The following GPHN variants were observed in gnomAD, a reference collection of about 807,000 sequenced individuals.
GPHN encodes gephyrin.
A neutral mutation model predicts 95.5 loss-of-function variants in GPHN; 17 were observed. The observed-to-expected ratio is 0.18, with a 90% confidence interval of 0.12 to 0.27. The LOEUF (loss-of-function observed/expected upper bound fraction) is 0.27, where lower values mean the gene tolerates loss of function less well. Ranked by LOEUF, GPHN falls within the 10% of genes least tolerant of loss-of-function variation. The pLI is 1.00. For synonymous variants in GPHN, 320 were observed against 322.5 expected, an observed-to-expected ratio of 0.99 and a Z score of 0.08; for missense variants, 660 against 978.1, an observed-to-expected ratio of 0.67 and a Z score of 4.34.
At chr14:67,611,714 G>A in the GPHN span, among the ~76,000 whole-genome samples, 1 of 152,188 alleles carries the variant, frequency 6.6e-6, no homozygotes, top group Non-Finnish European at 1.5e-5. Flanking sequence ...CTAAAGCAAT[G>A]TTCCCCAACC....
chr14:67,196,277 C>T, the GPHN span, among the ~76,000 whole-genome samples: 1 of 150,846 alleles, frequency 6.6e-6, no homozygotes, highest in Non-Finnish European at 1.5e-5. Context: ...AGTGCATTGG[C>T]ACAGTCTTGG....
chr14:67,004,798 A>G (rs770927668), intron 9 of GPHN, among the ~76,000 whole-genome samples: 2 of 151,710 alleles, frequency 1.3e-5, no homozygotes, highest in Non-Finnish European at 3.0e-5. Flanking sequence ...ATTTTTCTCT[A>G]TCAGAGATGG....
At chr14:67,384,838 C>T in the GPHN span, 1 of 152,110 alleles carries the variant, frequency 6.6e-6, no homozygotes. Flanking sequence ...TAGAGGAGAA[C>T]CTGGATGTAC....
chr14:67,524,798 C>T, the GPHN span, among the ~76,000 whole-genome samples: 38 of 152,262 alleles, frequency 2.5e-4, no homozygotes, highest in African/African-American at 8.4e-4. Flanking sequence ...TAATAGGGAT[C>T]CAGATAATAT....
chr14:67,429,685 G>A, the GPHN span, among the ~76,000 whole-genome samples: 1 of 152,064 alleles, frequency 6.6e-6, no homozygotes, highest in African/African-American at 2.4e-5. Context: ...GCAGTGAGTT[G>A]AGATTGCGCC....
chr14:66,849,742 T>C (rs2062498118), intron 4 of GPHN, among the ~76,000 whole-genome samples: 1 of 152,086 alleles, frequency 6.6e-6, no homozygotes. Flanking sequence ...TGTTTTTGGC[T>C]CAGTAGCTGT....
intron 21 of GPHN, among the ~76,000 whole-genome samples, chr14:67,173,245 C>T (rs890701172): frequency 2.0e-5 from 3 of 152,156 alleles, no homozygotes; most frequent in African/African-American, 7.2e-5. Flanking sequence ...ACCAGGAACC[C>T]GGTGCTGCAG....
intron 5 of GPHN, among the ~76,000 whole-genome samples, chr14:66,882,923 G>T (rs922179814): frequency 6.6e-6 from 1 of 150,642 alleles, no homozygotes; most frequent in African/African-American, 2.4e-5. Context: ...GAAAAGAAAT[G>T]AGCAATCAAT....
chr14:66,736,555 C>A (rs925725656), intron 2 of GPHN, among the ~76,000 whole-genome samples: 2 of 151,752 alleles, frequency 1.3e-5, no homozygotes, highest in African/African-American at 4.8e-5. Flanking sequence ...AGCACCACCA[C>A]ACCCAGCTAA....
At chr14:67,241,383 G>A in the GPHN span, 1 of 154,256 alleles carries the variant, frequency 6.5e-6, no homozygotes. Flanking sequence ...GGCAGGCGGT[G>A]GGGCGGGGGC....
intron 2 of GPHN, among the ~76,000 whole-genome samples, chr14:66,731,490 C>T (rs1233311150): frequency 1.3e-5 from 2 of 152,316 alleles, no homozygotes; most frequent in South Asian, 4.1e-4. Context: ...TCCTGCCTTG[C>T]TTTAGCAAAG....
chr14:67,024,547 T>C (rs75817173), intron 10 of GPHN, among the ~76,000 whole-genome samples: 102 of 152,346 alleles, frequency 6.7e-4, no homozygotes, highest in Non-Finnish European at 1.2e-3. Context: ...TTTTGTGTTA[T>C]ACTCCTGGTT....
chr14:67,323,778 G>A, the GPHN span: 2 of 1,595,866 alleles, frequency 1.3e-6, no homozygotes, highest in Non-Finnish European at 1.7e-6. Flanking sequence ...GAAAGACTTC[G>A]GGCATTATTG....
the GPHN span, among the ~76,000 whole-genome samples, chr14:67,484,131 A>G: frequency 2.6e-5 from 4 of 152,284 alleles, no homozygotes; most frequent in Admixed American, 2.6e-4. Context: ...ACATCATTCC[A>G]TTTTATTTTC....
chr14:66,625,491 C>T (rs2063490969), intron 1 of GPHN, among the ~76,000 whole-genome samples: 1 of 151,872 alleles, frequency 6.6e-6, no homozygotes, highest in Admixed American at 6.6e-5. Flanking sequence ...CTCAATTTCC[C>T]CCCCAATTTT....
chr14:67,487,887 G>C, the GPHN span, among the ~76,000 whole-genome samples: 1 of 152,084 alleles, frequency 6.6e-6, no homozygotes, highest in Non-Finnish European at 1.5e-5. Flanking sequence ...GCCTCCCAAA[G>C]TGCTAGGATT....
chr14:67,735,304 C>CGAGTGAGA, the GPHN span: 3 of 840,762 alleles, frequency 3.6e-6, no homozygotes, highest in Non-Finnish European at 6.3e-6. Context: ...TCTCACCTCT[C>CGAGTGAGA]TGTAGTGTCT....
the GPHN span, among the ~76,000 whole-genome samples, chr14:67,477,451 CT>C: frequency 6.6e-6 from 1 of 152,198 alleles, no homozygotes. Context: ...TTCTCTTCCT[CT>C]TCTGAATTTC....
intron 1 of GPHN, among the ~76,000 whole-genome samples, chr14:66,675,779 T>G (rs2066551293): frequency 6.6e-6 from 1 of 152,164 alleles, no homozygotes; most frequent in African/African-American, 2.4e-5. Context: ...TTTGAGTTGA[T>G]TTTTGTGGTG....
Sources: allele counts gnomAD v4.1 joint callset (sites outside exome capture counted in the v4.1 genomes callset), GRCh38; gene constraint gnomAD v4.1.1; transcripts MANE v1.5; gene names NCBI Gene and HGNC (gene_info 2026-07-23, HGNC 2026-07-21).